The following ASZ1 variants were observed in gnomAD, a reference collection of about 807,000 sequenced individuals.
ASZ1 encodes ankyrin repeat, SAM and basic leucine zipper domain-containing protein 1.
ASZ1 carries 67 observed loss-of-function variants against 61.8 expected under a neutral mutation model. The observed-to-expected ratio is 1.08, with a 90% CI of 0.89 to 1.33. The LOEUF (loss-of-function observed/expected upper bound fraction) is 1.33. ASZ1 is among the 40% of genes most tolerant of loss of function. The probability of loss-of-function intolerance (pLI) is 0.00; values close to 1 mark genes in which losing one functional copy is unlikely to be tolerated. For synonymous variants in ASZ1, 193 were observed against 192.7 expected, an observed-to-expected ratio of 1.00 and a Z score of -0.01; for missense variants, 577 against 554.5, an observed-to-expected ratio of 1.04 and a Z score of -0.41.
At chr7:117,382,198 GATAA>G in intron 7 of ASZ1, 54 bp from the exon 8 acceptor site, 2 of 1,042,994 alleles carry the variant, frequency 1.9e-6, no homozygotes, top group South Asian at 2.7e-5. Flanking sequence ...ATGCACAAGC[GATAA>G]ATATACATTT....
At chr7:117,426,702 C>A (rs549264790) in intron 2 of ASZ1, 134 bp downstream of exon 2, 2 of 803,040 alleles carry the variant, frequency 2.5e-6, no homozygotes, top group African/African-American at 1.8e-5. Flanking sequence ...ACTCAGTCAA[C>A]GAAGATTATG....
Position 117,426,944 on chromosome 7 carries a change from G to T in ASZ1, c.106-9C>A, listed in dbSNP as rs1201816209. ...AATAGCCTTTTCAATTTCTAGAAAAGTAAACATTTTAAAAAATTCTTGTTA... is the reference window on the plus strand; with the variant it reads ...AATAGCCTTTTCAATTTCTAGAAAATTAAACATTTTAAAAAATTCTTGTTA... On this transcript the variant is annotated splice_polypyrimidine_tract_variant and intron_variant, in intron 1 of 12. Coordinates refer to ENST00000284629, the MANE Select transcript of ASZ1 (RefSeq NM_130768.3). The T allele has an allele frequency of 6.3e-7, 1 of 1,578,010 alleles. No homozygotes were observed.
chr7:117,422,172 AT>A, intron 3 of ASZ1, 64 bp downstream of exon 3: 4 of 1,549,302 alleles, frequency 2.6e-6, no homozygotes, highest in Non-Finnish European at 3.5e-6. Context: ...ACTTTATATA[AT>A]AGCTACTTGG....
intron 4 of ASZ1, among the ~76,000 whole-genome samples, chr7:117,406,771 G>A (rs748968999): frequency 4.0e-5 from 6 of 151,640 alleles, no homozygotes; most frequent in Middle Eastern, 3.4e-3. Flanking sequence ...AAAAAATAGC[G>A]ATAGATTCAA....
chr7:117,404,671 T>G (rs1005932321), intron 4 of ASZ1, among the ~76,000 whole-genome samples: 1 of 152,138 alleles, frequency 6.6e-6, no homozygotes, highest in Admixed American at 6.5e-5. Context: ...AATAGCATGT[T>G]TCATCCCCAA....
chr7:117,372,974 T>C (rs184131760), intron 10 of ASZ1, among the ~76,000 whole-genome samples: 8 of 152,218 alleles, frequency 5.3e-5, no homozygotes, highest in Non-Finnish European at 1.0e-4. Flanking sequence ...GTATTTAGAG[T>C]TTCCAATTTT....
At chr7:117,422,003 G>T (rs1797107319) in intron 3 of ASZ1, among the ~76,000 whole-genome samples, 1 of 152,036 alleles carries the variant, frequency 6.6e-6, no homozygotes, top group African/African-American at 2.4e-5. Context: ...AAACCTTAAA[G>T]ATATATAATA....
chr7:117,407,858 G>A (rs781698510), intron 4 of ASZ1, among the ~76,000 whole-genome samples: 4 of 152,128 alleles, frequency 2.6e-5, no homozygotes, highest in Non-Finnish European at 4.4e-5. Flanking sequence ...ATCAAGCCAC[G>A]ACAATGTCAA....
intron 4 of ASZ1, among the ~76,000 whole-genome samples, chr7:117,414,325 T>C (rs1338753570): frequency 2.0e-5 from 3 of 152,128 alleles, no homozygotes; most frequent in Admixed American, 6.6e-5. Context: ...GCAAAAAACA[T>C]TGACACCCAG....
At chr7:117,397,108 G>A (rs1796590392) in intron 4 of ASZ1, among the ~76,000 whole-genome samples, 1 of 151,904 alleles carries the variant, frequency 6.6e-6, no homozygotes, top group African/African-American at 2.4e-5. Flanking sequence ...CAGACATGGT[G>A]GCACACACCT....
chr7:117,418,336 CAT>C (rs1797034959), intron 4 of ASZ1, among the ~76,000 whole-genome samples: 1 of 151,982 alleles, frequency 6.6e-6, no homozygotes, highest in Non-Finnish European at 1.5e-5. Context: ...AGGATTATAC[CAT>C]ATATGACAGG....
chr7:117,372,625 G>C (rs970871715), intron 10 of ASZ1, among the ~76,000 whole-genome samples: 1 of 152,154 alleles, frequency 6.6e-6, no homozygotes, highest in African/African-American at 2.4e-5. Flanking sequence ...CAAGTACTAA[G>C]ATAAAATTTA....
At chr7:117,400,404 A>T (rs1046519181) in intron 4 of ASZ1, among the ~76,000 whole-genome samples, 10 of 152,222 alleles carry the variant, frequency 6.6e-5, no homozygotes, top group Non-Finnish European at 1.3e-4. Context: ...TCCTGGAGAG[A>T]AAAGCAGCAT....
chr7:117,423,695 A>AC (rs1475305278), intron 2 of ASZ1, among the ~76,000 whole-genome samples: 1 of 148,632 alleles, frequency 6.7e-6, no homozygotes, highest in Non-Finnish European at 1.5e-5. Flanking sequence ...AATACAAAAA[A>AC]AAAAAAAAAA....
chr7:117,390,260 C>T (rs1453591678), intron 4 of ASZ1, among the ~76,000 whole-genome samples: 1 of 151,980 alleles, frequency 6.6e-6, no homozygotes, highest in African/African-American at 2.4e-5. Flanking sequence ...GCCTCAACCT[C>T]CCAAGCCCAA....
rs752173147 is a variant in ASZ1 at position 117,420,265 on chromosome 7, C to CT, written c.337dup (p.Ser113LysfsTer29). ...AGCAGAACATGCAGTTATCAAAATA[C>CT]TTTGCTTATCTATAGTGAATAGAAA... On this transcript the variant is annotated frameshift_variant, in exon 4 of 13. Transcript: ENST00000284629. LOFTEE classifies it high-confidence loss of function. 3.7e-6 allele frequency: 6 copies of CT among 1,611,284 alleles called. No homozygotes were observed. In the South Asian group the frequency reaches 6.6e-5, roughly 18 times the overall value.
At chr7:117,408,337 G>T (rs368700396) in intron 4 of ASZ1, among the ~76,000 whole-genome samples, 7 of 152,162 alleles carry the variant, frequency 4.6e-5, no homozygotes, top group African/African-American at 1.7e-4. Context: ...AACCAAACAT[G>T]CTTTATATCA....
At chr7:117,410,023 T>C (rs1342025715) in intron 4 of ASZ1, among the ~76,000 whole-genome samples, 2 of 151,786 alleles carry the variant, frequency 1.3e-5, no homozygotes, top group Admixed American at 6.6e-5. Flanking sequence ...ATATCTCTTA[T>C]GTGTAAACTT....
At chr7:117,401,653 A>G (rs1432331198) in intron 4 of ASZ1, among the ~76,000 whole-genome samples, 1 of 152,208 alleles carries the variant, frequency 6.6e-6, no homozygotes, top group Non-Finnish European at 1.5e-5. Context: ...AAAAGCATTT[A>G]TGTTACATAG....
Sources: allele counts gnomAD v4.1 joint callset (sites outside exome capture counted in the v4.1 genomes callset), GRCh38; gene constraint gnomAD v4.1.1; transcripts MANE v1.5; gene names NCBI Gene and HGNC (gene_info 2026-07-23, HGNC 2026-07-21).